The following UXS1 variants were observed in gnomAD, a reference collection of about 807,000 sequenced individuals.
UXS1 encodes UDP-glucuronate decarboxylase 1.
Under a neutral mutation model 62.6 loss-of-function variants are expected in UXS1, and 33 were observed. The ratio of observed to expected loss-of-function variants is 0.53; its 90% CI spans 0.40 to 0.70. The LOEUF (loss-of-function observed/expected upper bound fraction) is 0.70. Among genes scored for constraint, UXS1 ranks in the 30% least tolerant of loss-of-function variants. The pLI, the probability that UXS1 is intolerant of heterozygous loss-of-function variation, is 0.00. For synonymous variants in UXS1, 213 were observed against 206.8 expected (o/e 1.03, Z -0.26); for missense variants, 434 against 556.3 (o/e 0.78, Z 2.21).
At chr2:106,155,458 T>C (rs1461634809) in intron 5 of UXS1, among the ~76,000 whole-genome samples, 1 of 152,210 alleles carries the variant, frequency 6.6e-6, no homozygotes, top group Non-Finnish European at 1.5e-5. Context: ...TACAAGGCAT[T>C]CGCTCAATGA....
In UXS1 at chr2:106,142,006, G is replaced by A. The variant is rs7574033; in HGVS notation, c.472+3184C>T. On this transcript the variant is annotated intron_variant, in intron 6 of 14. Coordinates refer to ENST00000283148, the MANE Select transcript of UXS1 (RefSeq NM_001253875.2). ...ATGCCTCAGCCTCCTGAATAGCTGC[G>A]ACCACAGACATGCACAAGCATGCCC... Among the ~76,000 whole-genome samples the A allele has an allele frequency of 9.5e-3, 1,440 of 151,744 alleles. 23 individuals are homozygous for A. The highest frequency in any genetic ancestry group is 0.033 in the African/African-American group (1,364 of 41,352).
At chr2:106,153,819 T>C (rs891532775) in intron 5 of UXS1, among the ~76,000 whole-genome samples, 1 of 152,228 alleles carries the variant, frequency 6.6e-6, no homozygotes, top group African/African-American at 2.4e-5. Context: ...CATTAAAAGT[T>C]ATGGCAAGTG....
intron 7 of UXS1, among the ~76,000 whole-genome samples, chr2:106,129,248 G>A (rs530346657): frequency 2.0e-5 from 3 of 152,226 alleles, no homozygotes; most frequent in Admixed American, 1.3e-4. Flanking sequence ...AATCACCCCC[G>A]TGTGTAAGGC....
chr2:106,121,167 G>A (rs2104916911), intron 9 of UXS1, among the ~76,000 whole-genome samples: 1 of 152,300 alleles, frequency 6.6e-6, no homozygotes, highest in East Asian at 1.9e-4. Context: ...CTAGCATACA[G>A]TCGGTGCTCA....
intron 9 of UXS1, among the ~76,000 whole-genome samples, chr2:106,119,525 C>T (rs1014413029): frequency 1.3e-5 from 2 of 152,216 alleles, no homozygotes; most frequent in African/African-American, 2.4e-5. Context: ...GCCCCCAGTT[C>T]CTGCTCTCTC....
chr2:106,101,022 A>G, intron 12 of UXS1, 36 bp downstream of exon 12: 2 of 1,613,290 alleles, frequency 1.2e-6, no homozygotes, highest in Non-Finnish European at 1.7e-6. Flanking sequence ...CGAAAGTCTG[A>G]GCTGTCCTGC....
intron 5 of UXS1, chr2:106,145,602 T>C (rs1681496513): frequency 4.9e-6 from 2 of 410,570 alleles, no homozygotes. Context: ...ACTACCAGTC[T>C]TGGAAGAATA....
At chr2:106,127,055 C>G (rs1465185496) in intron 7 of UXS1, among the ~76,000 whole-genome samples, 1 of 152,192 alleles carries the variant, frequency 6.6e-6, no homozygotes, top group Non-Finnish European at 1.5e-5. Flanking sequence ...TCTATCCAAG[C>G]TGCAGTGTGT....
intron 10 of UXS1, among the ~76,000 whole-genome samples, chr2:106,108,556 CT>C (rs1678292485): frequency 6.6e-6 from 1 of 152,158 alleles, no homozygotes; most frequent in Non-Finnish European, 1.5e-5. Context: ...TCTCATTGTT[CT>C]TCTAACAGAA....
chr2:106,193,844 G>A (rs369572307), intron 1 of UXS1, among the ~76,000 whole-genome samples: 12 of 152,252 alleles, frequency 7.9e-5, no homozygotes, highest in Middle Eastern at 3.4e-3. Flanking sequence ...ATGGACGACA[G>A]CGCCGCCGCC....
intron 6 of UXS1, among the ~76,000 whole-genome samples, chr2:106,144,422 T>C (rs1681389758): frequency 6.6e-6 from 1 of 152,160 alleles, no homozygotes; most frequent in Admixed American, 6.5e-5. Context: ...TGAAACTATG[T>C]TATAAAATGT....
At chr2:106,167,913 G>C (rs950517574) in intron 1 of UXS1, among the ~76,000 whole-genome samples, 1 of 152,158 alleles carries the variant, frequency 6.6e-6, no homozygotes, top group African/African-American at 2.4e-5. Context: ...TGTAATCCCA[G>C]CACTTTGGGA....
At chr2:106,122,447 G>A (rs935048785) in intron 9 of UXS1, among the ~76,000 whole-genome samples, 4 of 152,124 alleles carry the variant, frequency 2.6e-5, no homozygotes, top group Non-Finnish European at 4.4e-5. Context: ...TGGCAACCTC[G>A]GCCTCTTGGT....
chr2:106,115,224 G>A (rs150997522), intron 9 of UXS1, among the ~76,000 whole-genome samples: 9 of 152,278 alleles, frequency 5.9e-5, no homozygotes, highest in African/African-American at 2.2e-4. Flanking sequence ...CTGACCCAAA[G>A]CCACCTTCCT....
intron 6 of UXS1, chr2:106,138,749 T>C (rs1288585110): frequency 4.1e-6 from 4 of 985,352 alleles, no homozygotes; most frequent in Non-Finnish European, 1.2e-6. Context: ...TTCAGTTAAG[T>C]AGCGGCACTG....
intron 5 of UXS1, among the ~76,000 whole-genome samples, chr2:106,148,322 TG>T (rs1463475645): frequency 1.3e-5 from 2 of 152,254 alleles, no homozygotes; most frequent in African/African-American, 4.8e-5. Flanking sequence ...TTCACGTTAT[TG>T]CATTTTTTCC....
chr2:106,176,124 C>A (rs1343475393), intron 1 of UXS1, among the ~76,000 whole-genome samples: 1 of 152,154 alleles, frequency 6.6e-6, no homozygotes, highest in Admixed American at 6.5e-5. Flanking sequence ...AGGGCCAAGT[C>A]TGAAGTCCTC....
At chr2:106,189,042 C>T (rs946590873) in intron 1 of UXS1, among the ~76,000 whole-genome samples, 1 of 151,994 alleles carries the variant, frequency 6.6e-6, no homozygotes, top group Non-Finnish European at 1.5e-5. Flanking sequence ...AGTGCAACAA[C>T]CTTAAAATGG....
chr2:106,123,923 G>C (rs959951955), intron 8 of UXS1, among the ~76,000 whole-genome samples: 22 of 152,192 alleles, frequency 1.4e-4, no homozygotes, highest in African/African-American at 4.8e-4. Context: ...CCTGAAGTCT[G>C]ACTTGGGACT....
Sources: gnomAD v4.1 joint callset for allele counts (sites outside exome capture counted in the v4.1 genomes callset) on GRCh38, gnomAD v4.1.1 for gene constraint, MANE v1.5 for transcripts, NCBI Gene and HGNC (gene_info 2026-07-23, HGNC 2026-07-21) for gene names.